Variants in CSDE1 observed in about 807,000 individuals in gnomAD.
CSDE1 encodes cold shock domain-containing protein E1.
In CSDE1, 17 loss-of-function variants were observed where a neutral mutation model predicts 89.3. The ratio of observed to expected loss-of-function variants is 0.19; its 90% CI spans 0.13 to 0.29. The LOEUF is 0.29. Among genes scored for constraint, CSDE1 ranks in the 10% least tolerant of loss-of-function variants. The probability of loss-of-function intolerance (pLI) is 1.00; values close to 1 mark genes in which losing one functional copy is unlikely to be tolerated. For synonymous variants in CSDE1, 322 were observed against 332.8 expected, an observed-to-expected ratio of 0.97 and a Z score of 0.35; for missense variants, 672 against 984.2, an observed-to-expected ratio of 0.68 and a Z score of 4.24.
At chr1:114,735,287 C>A (rs975687417) in intron 6 of CSDE1, among the ~76,000 whole-genome samples, 1 of 152,296 alleles carries the variant, frequency 6.6e-6, no homozygotes, top group Admixed American at 6.5e-5. Flanking sequence ...ATACACCAAG[C>A]AATTACTTCC....
At position 114,751,328 on chromosome 1, in the gene CSDE1, G is replaced by T. The variant is rs892466952; in HGVS notation, c.-387-1121C>A. ...GGTGTTAACGAAAATTATTTCTACA[G>T]AGATAAGAAAAAGGTGTACGTGCTG... On this transcript the variant is annotated intron_variant, in intron 1 of 19. Transcript: ENST00000358528. Among the ~76,000 whole-genome samples, 53 of 152,266 alleles carry T rather than the reference G, an allele frequency of 3.5e-4. 1 individual carries two copies. Among genetic ancestry groups the T allele is most frequent in the Admixed American group, 2.7e-3 (41 of 15,290 alleles).
At chr1:114,741,023 C>T (rs1302526803) in intron 2 of CSDE1, among the ~76,000 whole-genome samples, 9 of 152,198 alleles carry the variant, frequency 5.9e-5, no homozygotes. Flanking sequence ...AAAGCCACCA[C>T]ACCTGTAGGT....
chr1:114,743,948 A>G (rs142618161), intron 2 of CSDE1, among the ~76,000 whole-genome samples: 243 of 152,380 alleles, frequency 1.6e-3, no homozygotes, highest in African/African-American at 4.8e-3. Context: ...GACATGTGAC[A>G]TGTTAATACT....
chr1:114,736,899 A>C (rs1222929574), intron 5 of CSDE1, 44 bp from the exon 6 acceptor site: 1 of 1,419,110 alleles, frequency 7.0e-7, no homozygotes, highest in Non-Finnish European at 9.9e-7. Context: ...CAGGATGCAT[A>C]TTCACTGTAT....
rs939053043 is a variant in CSDE1, at chr1:114,726,337, G to A, written c.1514C>T (p.Thr505Ile). ...DKQRPGQQVA[T>I]CVRLLGRNSN... ...ATTACGACCTAAAAGTCGCACACAA[G>A]TTGCAACCTGCTGTCCAGGCCTCTG... The change falls in exon 14 of 20, where the codon ACT (threonine) becomes ATT (isoleucine). Residue 505 changes from threonine to isoleucine, a missense_variant. Thr to Ile is a moderately conservative substitution (Grantham distance 89). Transcript: ENST00000358528. 1.2e-6 allele frequency: 2 copies of A among 1,613,748 alleles called. No homozygotes were observed. Among genetic ancestry groups the A allele is most frequent in the Non-Finnish European group, 1.7e-6 (2 of 1,179,876 alleles).
chr1:114,733,532 GA>G (rs371869505), intron 9 of CSDE1, among the ~76,000 whole-genome samples, 199 bp downstream of exon 9: 22,600 of 96,042 alleles, frequency 0.24, 2,208 homozygotes, highest in Middle Eastern at 0.35. Flanking sequence ...CACAAAAAAA[GA>G]AAAAAAAAAA....
At chr1:114,736,626 T>G (rs1020932916) in intron 6 of CSDE1, 132 bp downstream of exon 6, 1 of 600,704 alleles carries the variant, frequency 1.7e-6, no homozygotes, top group African/African-American at 2.0e-5. Context: ...CTCAAAGCAT[T>G]AGTTGATGAA....
Position 114,722,536 on chromosome 1 carries a change from C to G in CSDE1, c.1873+1347G>C, listed in dbSNP as rs1659585433. 2.6e-5 allele frequency among the ~76,000 whole-genome samples: 4 copies of G among 152,342 alleles called. No individual in the cohort carries two copies. The South Asian group carries it at 8.3e-4, about 32-fold the overall frequency. ...TTCTTACCAAGTGGGAAAATGTAAT[C>G]TGTCTAGTCCCGGGCTTAGAGATGC... On this transcript the variant is annotated intron_variant, in intron 16 of 19. Coordinates refer to ENST00000358528, the MANE Select transcript of CSDE1 (RefSeq NM_001007553.3).
At chr1:114,741,706 G>T in intron 2 of CSDE1, 1 of 1,429,848 alleles carries the variant, frequency 7.0e-7, no homozygotes, top group South Asian at 1.6e-5. Flanking sequence ...TGATAACTAT[G>T]ATCAATAACA....
At position 114,733,791 on chromosome 1, in the gene CSDE1, T is replaced by C. The variant is rs1379869202; in HGVS notation, c.778A>G (p.Ile260Val). 6 of 1,613,880 alleles carry C rather than the reference T, an allele frequency of 3.7e-6. No individual in the cohort carries two copies. The highest frequency in any genetic ancestry group is 4.2e-6 in the Non-Finnish European group (5 of 1,179,930). Reference protein sequence around the residue: ...QGTVIFEDISIEHFEGTVTKV... With the variant: ...QGTVIFEDISVEHFEGTVTKV... ...GTTACAGTTCCTTCAAAATGTTCAATGCTGATATCTTCAAAAATGACTGTT... is the reference window on the plus strand; with the variant it reads ...GTTACAGTTCCTTCAAAATGTTCAACGCTGATATCTTCAAAAATGACTGTT... The change falls in exon 9 of 20, where the codon ATT becomes GTT. Residue 260 changes from isoleucine to valine, a missense_variant. Coordinates refer to ENST00000358528, the MANE Select transcript of CSDE1 (RefSeq NM_001007553.3).
rs1409107775 is a variant in CSDE1, at chr1:114,716,977, T to C, written c.*1192A>G. The C allele has an allele frequency of 1.3e-5, 2 of 152,690 alleles. No individual in the cohort carries two copies. Among genetic ancestry groups the C allele is most frequent in the East Asian group, 3.8e-4 (2 of 5,200 alleles). The allele number at this position is 152,690 out of a possible 1,614,324, so 9.5% of individuals were successfully genotyped here. Reference sequence around the variant, plus strand: ...CATTCTTTCGCCATTAACAGAAAACTGGAGAAAGCAAAAATGTTTCGTGTT... The same window carrying C: ...CATTCTTTCGCCATTAACAGAAAACCGGAGAAAGCAAAAATGTTTCGTGTT... On this transcript the variant is annotated 3_prime_UTR_variant, in exon 20 of 20. Coordinates refer to ENST00000358528, the MANE Select transcript of CSDE1 (RefSeq NM_001007553.3).
intron 6 of CSDE1, 147 bp downstream of exon 6, chr1:114,736,611 T>C (rs749450921): frequency 1.2e-5 from 7 of 574,676 alleles, no homozygotes; most frequent in Admixed American, 6.2e-5. Context: ...ACAATATTCA[T>C]AGACCTCAAA....
intron 15 of CSDE1, 49 bp downstream of exon 15, chr1:114,725,165 CATCCTTT>C (rs760511100): frequency 7.4e-7 from 1 of 1,349,228 alleles, no homozygotes; most frequent in Non-Finnish European, 1.1e-6. Context: ...TCTACTACTC[CATCCTTT>C]ATCTCCCACT....
chr1:114,734,395 T>C (rs756552275), intron 7 of CSDE1, 47 bp downstream of exon 7: 44 of 1,525,438 alleles, frequency 2.9e-5, no homozygotes, highest in African/African-American at 6.9e-5. Context: ...AAGTACAACA[T>C]TTCAAGTGGC....
intron 2 of CSDE1, among the ~76,000 whole-genome samples, chr1:114,740,642 G>C (rs541962635): frequency 6.6e-6 from 1 of 152,164 alleles, no homozygotes; most frequent in South Asian, 2.1e-4. Context: ...CCATTCTTTA[G>C]TGAAATAGGA....
In CSDE1 at chr1:114,734,137, C is replaced by A. The variant is rs1660263513; in HGVS notation, c.583-20G>T. 3 of 1,599,934 alleles carry A rather than the reference C, an allele frequency of 1.9e-6. No individual in the cohort carries two copies. The highest frequency in any genetic ancestry group is 2.5e-6 in the Non-Finnish European group (3 of 1,176,718). On this transcript the variant is annotated intron_variant, in intron 7 of 19. Transcript: ENST00000358528. ...TGCCTCCTGAAGCAAAATAAAAAAC[C>A]AAGAACATTATTACCACTCTGTACA...
chr1:114,733,194 C>T (rs1660198669), intron 9 of CSDE1, among the ~76,000 whole-genome samples: 1 of 152,038 alleles, frequency 6.6e-6, no homozygotes, highest in Non-Finnish European at 1.5e-5. Context: ...ATTTAATTAG[C>T]ATTTTCTTCT....
chr1:114,741,926 G>C (rs1287795214), intron 2 of CSDE1, among the ~76,000 whole-genome samples: 1 of 152,154 alleles, frequency 6.6e-6, no homozygotes, highest in Non-Finnish European at 1.5e-5. Flanking sequence ...AGACTATTCA[G>C]TCCAATTTCT....
At chr1:114,741,536 A>C (rs201183962) in intron 2 of CSDE1, 4 of 1,548,642 alleles carry the variant, frequency 2.6e-6, no homozygotes, top group Non-Finnish European at 3.5e-6. Context: ...CAGATCTCTG[A>C]TAAGTTGGGG....
Sources: allele counts gnomAD v4.1 joint callset (sites outside exome capture counted in the v4.1 genomes callset), GRCh38; gene constraint gnomAD v4.1.1; transcripts MANE v1.5; gene names NCBI Gene and HGNC (gene_info 2026-07-23, HGNC 2026-07-21).